The following CEP128 variants were observed in gnomAD, a reference collection of about 807,000 sequenced individuals.
The protein encoded by CEP128 is centrosomal protein 128kDa.
A neutral mutation model predicts 156.7 loss-of-function variants in CEP128; 132 were observed. That is an observed-to-expected ratio of 0.84 (90% confidence interval 0.73 to 0.97). The LOEUF (loss-of-function observed/expected upper bound fraction) is 0.97. Ranked by LOEUF, CEP128 falls within the 50% of genes least tolerant of loss-of-function variation. The pLI, the probability that CEP128 is intolerant of heterozygous loss-of-function variation, is 0.00. For missense variants in CEP128, 1,252 were observed against 1,281.9 expected (o/e 0.98, Z 0.36); for synonymous variants, 469 against 448.9 (o/e 1.04, Z -0.57).
chr14:80,553,087 T>A (rs530492486), intron 21 of CEP128, among the ~76,000 whole-genome samples: 1 of 151,516 alleles, frequency 6.6e-6, no homozygotes, highest in Non-Finnish European at 1.5e-5. Context: ...TTCTTTCTTT[T>A]TTTTAATTAT....
intron 19 of CEP128, among the ~76,000 whole-genome samples, chr14:80,678,019 T>C (rs992498148): frequency 1.4e-5 from 2 of 147,006 alleles, no homozygotes; most frequent in Non-Finnish European, 3.0e-5. Context: ...ACCTCTACTT[T>C]CAACATGGAC....
At chr14:80,876,615 T>C (rs1164063622) in intron 8 of CEP128, among the ~76,000 whole-genome samples, 1 of 145,028 alleles carries the variant, frequency 6.9e-6, no homozygotes, top group Non-Finnish European at 1.5e-5. Context: ...AAAAAAAGCA[T>C]CAATAAGACT....
In CEP128 at chr14:80,501,038, T is replaced by C. The variant is rs182823542; in HGVS notation, c.3182-3456A>G. Among the ~76,000 whole-genome samples, 9 of 152,344 alleles carry C rather than the reference T, an allele frequency of 5.9e-5. No individual in the cohort carries two copies. In the East Asian group the frequency reaches 1.7e-3, roughly 29 times the overall value. ...GCCATATGTCCACTAGTAGTCTTTT[T>C]TTTTTTAAGTGTTCAATCGTATCAG... On this transcript the variant is annotated intron_variant, in intron 24 of 24. Transcript: ENST00000555265.
intron 8 of CEP128, among the ~76,000 whole-genome samples, chr14:80,887,568 CT>C (rs1308784768): frequency 6.6e-6 from 1 of 152,144 alleles, no homozygotes; most frequent in Non-Finnish European, 1.5e-5. Context: ...TCAAGAAGTT[CT>C]TTGAAACCAA....
At chr14:80,798,475 T>A (rs1176844005) in intron 13 of CEP128, among the ~76,000 whole-genome samples, 5 of 152,244 alleles carry the variant, frequency 3.3e-5, no homozygotes, top group Non-Finnish European at 7.3e-5. Context: ...AAGTGTTATC[T>A]ATGAGGAAAG....
intron 9 of CEP128, among the ~76,000 whole-genome samples, chr14:80,854,212 G>A (rs1191573355): frequency 1.3e-5 from 2 of 152,120 alleles, no homozygotes; most frequent in African/African-American, 4.8e-5. Context: ...GTAAGAATGT[G>A]GGGGAAAGAG....
chr14:80,726,740 TTAA>T (rs1898033881), intron 19 of CEP128, among the ~76,000 whole-genome samples: 1 of 152,228 alleles, frequency 6.6e-6, no homozygotes, highest in African/African-American at 2.4e-5. Flanking sequence ...TGAATCTCAT[TTAA>T]TACTTCTGCC....
chr14:80,876,459 T>A (rs1888287953), intron 8 of CEP128, among the ~76,000 whole-genome samples: 1 of 151,938 alleles, frequency 6.6e-6, no homozygotes. Flanking sequence ...TAGCTGGACA[T>A]GGTGGCACAC....
intron 14 of CEP128, among the ~76,000 whole-genome samples, chr14:80,481,420 AG>A (rs1254483633): frequency 6.6e-6 from 1 of 152,234 alleles, no homozygotes; most frequent in Non-Finnish European, 1.5e-5. Flanking sequence ...AACATGTGGC[AG>A]TTCTCAGAGA....
At chr14:80,819,880 T>C (rs980599421) in intron 13 of CEP128, among the ~76,000 whole-genome samples, 4 of 152,060 alleles carry the variant, frequency 2.6e-5, no homozygotes, top group African/African-American at 9.7e-5. Flanking sequence ...TTCAGTAAAA[T>C]ACTGAATAAT....
intron 17 of CEP128, among the ~76,000 whole-genome samples, chr14:80,759,220 GA>G (rs1899832951): frequency 6.6e-6 from 1 of 152,062 alleles, no homozygotes; most frequent in East Asian, 1.9e-4. Context: ...ACAGTGACTT[GA>G]AAAAGAAAAA....
At chr14:80,560,287 C>T (rs965100942) in intron 20 of CEP128, among the ~76,000 whole-genome samples, 1 of 151,932 alleles carries the variant, frequency 6.6e-6, no homozygotes, top group African/African-American at 2.4e-5. Context: ...TAGCCAGGTG[C>T]GGTGCCGCGT....
At chr14:80,912,302 G>A (rs1002026179) in intron 4 of CEP128, among the ~76,000 whole-genome samples, 13 of 151,146 alleles carry the variant, frequency 8.6e-5, no homozygotes, top group Non-Finnish European at 1.6e-4. Context: ...TGGATCCCTC[G>A]TTGAAAATTG....
In CEP128 at chr14:80,838,468, A is replaced by G. The variant is rs375273541; in HGVS notation, c.850-190T>C. Among the ~76,000 whole-genome samples the G allele has an allele frequency of 4.7e-4, 72 of 152,340 alleles. No individual in the cohort carries two copies. In the South Asian group the frequency reaches 0.015, roughly 31 times the overall value. On this transcript the variant is annotated intron_variant, in intron 10 of 24. Coordinates refer to ENST00000555265, the MANE Select transcript of CEP128 (RefSeq NM_152446.5). ...ATTAAAATAATGTGAATCGTATAACATAAAGTGAACCAGACCAGGCCTCAG... is the reference window on the plus strand; with the variant it reads ...ATTAAAATAATGTGAATCGTATAACGTAAAGTGAACCAGACCAGGCCTCAG...
intron 19 of CEP128, among the ~76,000 whole-genome samples, chr14:80,727,052 GA>G (rs1898047099): frequency 6.6e-6 from 1 of 152,148 alleles, no homozygotes; most frequent in Non-Finnish European, 1.5e-5. Context: ...TTAGTCACCT[GA>G]ACATGGTTAT....
intron 19 of CEP128, among the ~76,000 whole-genome samples, chr14:80,684,239 A>C (rs1896437310): frequency 6.6e-6 from 1 of 152,146 alleles, no homozygotes; most frequent in South Asian, 2.1e-4. Flanking sequence ...GCAAATAAGC[A>C]CAATTGGAAA....
At chr14:80,773,562 A>G (rs1900629310) in intron 16 of CEP128, among the ~76,000 whole-genome samples, 1 of 152,168 alleles carries the variant, frequency 6.6e-6, no homozygotes, top group African/African-American at 2.4e-5. Flanking sequence ...GATGTCATTT[A>G]TAAGCTCATA....
chr14:80,528,624 CAAG>C (rs1889087655), intron 22 of CEP128, among the ~76,000 whole-genome samples: 1 of 152,118 alleles, frequency 6.6e-6, no homozygotes, highest in African/African-American at 2.4e-5. Flanking sequence ...CGCATTTAAA[CAAG>C]AATAAAGTCA....
chr14:80,547,955 C>A (rs147134792), intron 21 of CEP128, among the ~76,000 whole-genome samples: 1 of 152,090 alleles, frequency 6.6e-6, no homozygotes, highest in African/African-American at 2.4e-5. Flanking sequence ...AGCGCCACCA[C>A]GCCCAGCTAA....
Sources: gnomAD v4.1 joint callset for allele counts (sites outside exome capture counted in the v4.1 genomes callset) on GRCh38, gnomAD v4.1.1 for gene constraint, MANE v1.5 for transcripts, NCBI Gene and HGNC (gene_info 2026-07-23, HGNC 2026-07-21) for gene names.